PAX3: variants seen among roughly 807,000 people sequenced by gnomAD.
PAX3 encodes paired box protein Pax-3.
In PAX3, 14 loss-of-function variants were observed where a neutral mutation model predicts 51.6. The observed-to-expected ratio is 0.27, with a 90% CI of 0.18 to 0.42. The LOEUF (loss-of-function observed/expected upper bound fraction) is 0.42, where lower values mean the gene tolerates loss of function less well. PAX3 is among the 10% of genes least tolerant of loss of function. The pLI is 1.00. For missense variants in PAX3, 540 were observed against 642.8 expected, an observed-to-expected ratio of 0.84 and a Z score of 1.73; for synonymous variants, 280 against 253.4, an observed-to-expected ratio of 1.11 and a Z score of -1.00.
At chr2:222,241,676 T>C (rs1693020413) in intron 4 of PAX3, among the ~76,000 whole-genome samples, 1 of 152,250 alleles carries the variant, frequency 6.6e-6, no homozygotes, top group East Asian at 1.9e-4. Context: ...TTATTAACAG[T>C]TATGTTGGGA....
rs1054391959 is a variant in PAX3, at chr2:222,219,581, C to T, written c.1173+559G>A. ...CAAATATTTATATAGTCCCAAAGAG[C>T]AGTAATTCCCCTAATTTGTGCATTT... On this transcript the variant is annotated intron_variant, in intron 7 of 8. Coordinates refer to ENST00000392070, the MANE Select transcript of PAX3 (RefSeq NM_181458.4). 3.3e-5 allele frequency among the ~76,000 whole-genome samples: 5 copies of T among 152,258 alleles called. No individual in the cohort carries two copies. In the South Asian group the frequency reaches 1.0e-3, roughly 32 times the overall value.
chr2:222,220,423 TTCA>T, intron 6 of PAX3, 69 bp from the exon 7 acceptor site: 1 of 1,454,750 alleles, frequency 6.9e-7, no homozygotes, highest in Non-Finnish European at 9.6e-7. Flanking sequence ...AGTGCAAAAG[TTCA>T]TCAGCCACCA....
chr2:222,274,302 T>C (rs1365038538), intron 4 of PAX3, among the ~76,000 whole-genome samples: 1 of 152,066 alleles, frequency 6.6e-6, no homozygotes, highest in Non-Finnish European at 1.5e-5. Context: ...ATTTTAGCAT[T>C]TGTTGATTTC....
At chr2:222,240,220 G>T (rs1692959843) in intron 4 of PAX3, among the ~76,000 whole-genome samples, 1 of 152,080 alleles carries the variant, frequency 6.6e-6, no homozygotes. Flanking sequence ...CCGTTGCTCC[G>T]GAGTTATTTT....
At chr2:222,221,604 C>A in intron 5 of PAX3, 1 of 521,634 alleles carries the variant, frequency 1.9e-6, no homozygotes, top group Non-Finnish European at 3.5e-6. Context: ...CCACCATGAT[C>A]TTGCAACAAC....
At chr2:222,261,842 T>A (rs1693873923) in intron 4 of PAX3, among the ~76,000 whole-genome samples, 1 of 152,222 alleles carries the variant, frequency 6.6e-6, no homozygotes, top group South Asian at 2.1e-4. Flanking sequence ...ACGTTAAATG[T>A]TTCATGTTTG....
In PAX3 at chr2:222,232,388, C is replaced by G. The variant is rs1692630572; in HGVS notation, c.587-105G>C. The G allele has an allele frequency of 1.4e-5, 13 of 898,100 alleles. 1 individual carries two copies. The South Asian group carries it at 1.9e-4, about 13-fold the overall frequency. 55.6% of individuals were successfully genotyped at this position (898,100 alleles called of 1,614,324 possible). On this transcript the variant is annotated intron_variant, in intron 4 of 8. Coordinates refer to ENST00000392070, the MANE Select transcript of PAX3 (RefSeq NM_181458.4). ...GACTGCAAGACACCATTACAGTGATCCCTATACCTAAAGTAAAATAAATGT... is the reference window on the plus strand; with the variant it reads ...GACTGCAAGACACCATTACAGTGATGCCTATACCTAAAGTAAAATAAATGT...
At chr2:222,223,619 A>G (rs1359681126) in intron 5 of PAX3, among the ~76,000 whole-genome samples, 1 of 152,200 alleles carries the variant, frequency 6.6e-6, no homozygotes, top group African/African-American at 2.4e-5. Context: ...GTTGTAGTTT[A>G]TATTATAATA....
intron 3 of PAX3, among the ~76,000 whole-genome samples, chr2:222,294,574 A>T (rs1286480087): frequency 6.6e-6 from 1 of 151,928 alleles, no homozygotes; most frequent in Admixed American, 6.6e-5. Context: ...GCCGGATGCC[A>T]TCTTTGTCCC....
intron 4 of PAX3, among the ~76,000 whole-genome samples, chr2:222,282,978 C>T (rs1232952095): frequency 1.3e-4 from 20 of 152,220 alleles, no homozygotes; most frequent in Admixed American, 1.3e-3. Context: ...GGCAAACACA[C>T]TCCTGCACCA....
intron 4 of PAX3, among the ~76,000 whole-genome samples, chr2:222,288,316 A>C (rs2106186333): frequency 6.6e-6 from 1 of 152,380 alleles, no homozygotes; most frequent in African/African-American, 2.4e-5. Context: ...AACTAAATAT[A>C]GTTTAGTGCC....
intron 4 of PAX3, chr2:222,287,481 A>G (rs1021502947): frequency 2.0e-5 from 3 of 152,234 alleles, no homozygotes; most frequent in East Asian, 1.9e-4. Context: ...ATCAGGCCCA[A>G]CTTGGAGCTG....
Position 222,297,212 on chromosome 2 carries a change from C to A in PAX3, c.87G>T (p.Val29=). The change falls in exon 2 of 9, where the codon GTG becomes GTT. Residue 29 remains valine (V), a splice_region_variant and synonymous_variant. Coordinates refer to ENST00000392070, the MANE Select transcript of PAX3 (RefSeq NM_181458.4). The part of the protein sequence containing the change: ...NYPRSGFPLE[V]STPLGQGRVN... ...CGCGGCCCTGGCCGAGGGGAGTGGA[C>A]ACTGTGGGAAGGTGAAAAAGAGAAG... The A allele has an allele frequency of 6.4e-7, 1 of 1,570,296 alleles. No individual in the cohort carries two copies. Among genetic ancestry groups the A allele is most frequent in the South Asian group, 1.2e-5 (1 of 86,100 alleles).
chr2:222,276,205 A>T (rs1243000332), intron 4 of PAX3, among the ~76,000 whole-genome samples: 2 of 152,214 alleles, frequency 1.3e-5, no homozygotes, highest in East Asian at 3.8e-4. Context: ...TGAAGCTCTC[A>T]AAACAATACC....
intron 7 of PAX3, among the ~76,000 whole-genome samples, chr2:222,205,060 G>A (rs1453793398): frequency 6.6e-6 from 1 of 152,176 alleles, no homozygotes; most frequent in East Asian, 1.9e-4. Context: ...ACCTAGAAGA[G>A]AAGAAACATG....
At chr2:222,250,005 G>A (rs1367402756) in intron 4 of PAX3, among the ~76,000 whole-genome samples, 1 of 152,060 alleles carries the variant, frequency 6.6e-6, no homozygotes, top group East Asian at 1.9e-4. Context: ...GAGACATATA[G>A]GTCATGGATA....
At chr2:222,275,699 T>C (rs574744480) in intron 4 of PAX3, among the ~76,000 whole-genome samples, 16 of 152,296 alleles carry the variant, frequency 1.1e-4, no homozygotes, top group Admixed American at 5.9e-4. Context: ...TTGTCTTCAA[T>C]ATAACAAAAA....
chr2:222,258,341 A>G (rs1693724394), intron 4 of PAX3, among the ~76,000 whole-genome samples: 1 of 152,206 alleles, frequency 6.6e-6, no homozygotes, highest in Non-Finnish European at 1.5e-5. Flanking sequence ...AAACTTTATT[A>G]TTATTACCCA....
intron 4 of PAX3, among the ~76,000 whole-genome samples, chr2:222,265,646 A>AAG (rs772452636): frequency 9.2e-6 from 1 of 109,182 alleles, no homozygotes; most frequent in African/African-American, 3.5e-5. Context: ...ATCAAAAAAA[A>AAG]GAAGGAAGGA....
Sources: allele counts gnomAD v4.1 joint callset (sites outside exome capture counted in the v4.1 genomes callset), GRCh38; gene constraint gnomAD v4.1.1; transcripts MANE v1.5; gene names NCBI Gene and HGNC (gene_info 2026-07-23, HGNC 2026-07-21).